The following ATXN3 variants were observed in gnomAD, a reference collection of about 807,000 sequenced individuals.
ATXN3 encodes ataxin-3.
In ATXN3, 28 loss-of-function variants were observed where a neutral mutation model predicts 58.2. The ratio of observed to expected loss-of-function variants is 0.48; its 90% confidence interval spans 0.36 to 0.66. ATXN3 has a LOEUF of 0.66. Ranked by LOEUF, ATXN3 falls within the 30% of genes least tolerant of loss-of-function variation. ATXN3 has a pLI of 0.00. For synonymous variants in ATXN3, 113 were observed against 138.5 expected, an observed-to-expected ratio of 0.82 and a Z score of 1.29; for missense variants, 321 against 422.1, an observed-to-expected ratio of 0.76 and a Z score of 2.10.
At position 92,096,076 on chromosome 14, in the gene ATXN3, T is replaced by C. The variant is rs201025371; in HGVS notation, c.234+17A>G. ...TGGGATGTAAGCAACACATAGTACATGCTTGTGACTACTTACCTGAATAGA... is the reference window on the plus strand; with the variant it reads ...TGGGATGTAAGCAACACATAGTACACGCTTGTGACTACTTACCTGAATAGA... On this transcript the variant is annotated intron_variant, in intron 3 of 10. Coordinates refer to ENST00000644486, the MANE Select transcript of ATXN3 (RefSeq NM_004993.6). The C allele has an allele frequency of 1.7e-5, 27 of 1,560,798 alleles. No homozygotes were observed. The African/African-American group carries it at 3.4e-4, about 20-fold the overall frequency.
chr14:92,065,287 T>A (rs2058189981), intron 10 of ATXN3, among the ~76,000 whole-genome samples: 1 of 152,144 alleles, frequency 6.6e-6, no homozygotes, highest in African/African-American at 2.4e-5. Context: ...GTGCCAACAG[T>A]GGGTTTCTTT....
intron 10 of ATXN3, 58 bp from the exon 11 acceptor site, chr14:92,064,472 A>G: frequency 7.9e-7 from 1 of 1,265,928 alleles, no homozygotes; most frequent in East Asian, 2.3e-5. Flanking sequence ...CAAAGTCATC[A>G]AAAGGCAAGT....
intron 2 of ATXN3, chr14:92,096,436 A>G (rs375778279): frequency 6.2e-6 from 5 of 806,888 alleles, no homozygotes; most frequent in African/African-American, 3.5e-5. Flanking sequence ...CAACCTGACC[A>G]ACATGGTGAA....
upstream of ATXN3, among the ~76,000 whole-genome samples, chr14:92,051,380 T>C (rs574211475): frequency 6.6e-6 from 1 of 152,314 alleles, no homozygotes; most frequent in African/African-American, 2.4e-5. Flanking sequence ...GCTTCTGTTT[T>C]CAACAAAACA....
chr14:92,092,457 A>G (rs961073378), intron 5 of ATXN3, among the ~76,000 whole-genome samples: 3 of 152,230 alleles, frequency 2.0e-5, no homozygotes, highest in African/African-American at 7.2e-5. Flanking sequence ...CTGTAGACGT[A>G]CGTATTACAT....
chr14:92,094,873 G>T (rs1160450317), intron 3 of ATXN3, among the ~76,000 whole-genome samples: 1 of 152,182 alleles, frequency 6.6e-6, no homozygotes, highest in Non-Finnish European at 1.5e-5. Context: ...CAGTGGCACG[G>T]TAAAGCACTA....
At chr14:92,099,280 A>C (rs1393317370) in intron 1 of ATXN3, among the ~76,000 whole-genome samples, 1 of 152,196 alleles carries the variant, frequency 6.6e-6, no homozygotes, top group Non-Finnish European at 1.5e-5. Flanking sequence ...CTGATGAATC[A>C]ATTTTCTAGG....
Position 92,064,322 on chromosome 14 carries a change from A to G in ATXN3, c.1084T>C (p.Ter362GlnextTer3), listed in dbSNP as rs942127509. ...ATCTAAATTATTTTTTAAAGGTATT[A>G]TTTTTTTCCTTCTGTTTTCAAATCA... ...RNDLKTEGKK[*>Q] Residue 362 changes from the stop codon to glutamine (Q), a stop_lost, in exon 11 of 11, where the codon TAA (stop) becomes CAA (glutamine). Coordinates refer to ENST00000644486, the MANE Select transcript of ATXN3 (RefSeq NM_004993.6). 19 of 1,593,662 alleles carry G rather than the reference A, an allele frequency of 1.2e-5. No individual in the cohort carries two copies. The highest frequency in any genetic ancestry group is 1.5e-5 in the Non-Finnish European group (18 of 1,162,384).
At chr14:92,088,604 C>A (rs1014818463) in intron 6 of ATXN3, 126 bp downstream of exon 6, 2 of 727,252 alleles carry the variant, frequency 2.8e-6, no homozygotes, top group Non-Finnish European at 4.8e-6. Flanking sequence ...CCTATCACCA[C>A]GTCAAAACTA....
chr14:92,077,799 C>T (rs2060686716), intron 9 of ATXN3, among the ~76,000 whole-genome samples: 1 of 151,884 alleles, frequency 6.6e-6, no homozygotes, highest in South Asian at 2.1e-4. Context: ...TGTGCACCAC[C>T]ATGCCCAACT....
chr14:92,053,602 TC>T (rs1180287746), downstream of ATXN3, among the ~76,000 whole-genome samples: 1 of 151,558 alleles, frequency 6.6e-6, no homozygotes, highest in Non-Finnish European at 1.5e-5. Context: ...GCTCAAGGTA[TC>T]CTCTCACCTC....
intron 3 of ATXN3, among the ~76,000 whole-genome samples, chr14:92,095,041 A>G (rs1362455026): frequency 1.3e-5 from 2 of 152,096 alleles, no homozygotes; most frequent in Non-Finnish European, 2.9e-5. Context: ...CACAGATAAA[A>G]GAATCTTGCG....
intron 9 of ATXN3, among the ~76,000 whole-genome samples, chr14:92,077,242 C>T (rs555745598): frequency 6.6e-6 from 1 of 152,242 alleles, no homozygotes; most frequent in Admixed American, 6.5e-5. Flanking sequence ...AGACTATTTA[C>T]TGTCATAGGA....
rs34366039 is a variant in ATXN3, at chr14:92,082,649, C to CT, written c.609-184dup. Reference sequence around the variant, plus strand: ...CCAACTAAGTTTTTTTTTTCCGTTTCTTTTTTTTTTTTTTTTTGAGACAGG... The same window carrying CT: ...CCAACTAAGTTTTTTTTTTCCGTTTCTTTTTTTTTTTTTTTTTTGAGACAGG... On this transcript the variant is annotated intron_variant, in intron 7 of 10. Transcript: ENST00000644486. 6.9e-3 allele frequency among the ~76,000 whole-genome samples: 919 copies of CT among 132,854 alleles called. 20 individuals are homozygous for CT. The East Asian group carries it at 0.073, about 11-fold the overall frequency. The allele number at this position is 132,854 out of a possible 152,430, so 87.2% of individuals were successfully genotyped here.
chr14:92,106,197 G>A (rs936806249), intron 1 of ATXN3, among the ~76,000 whole-genome samples: 1 of 152,156 alleles, frequency 6.6e-6, no homozygotes, highest in African/African-American at 2.4e-5. Context: ...TTGGGGAGGG[G>A]TGAAGGAATC....
At chr14:92,082,716 A>T (rs2061689560) in intron 7 of ATXN3, among the ~76,000 whole-genome samples, 1 of 136,292 alleles carries the variant, frequency 7.3e-6, no homozygotes, top group African/African-American at 2.8e-5. Context: ...TAGTGTGATT[A>T]TGGCTCACTG....
chr14:92,085,801 A>T (rs997726502), intron 6 of ATXN3, among the ~76,000 whole-genome samples: 1 of 152,230 alleles, frequency 6.6e-6, no homozygotes, highest in Admixed American at 6.5e-5. Flanking sequence ...GACTAAAGAT[A>T]AAAGTTTGGT....
chr14:92,052,190 A>G (rs184565643), upstream of ATXN3, among the ~76,000 whole-genome samples: 135 of 152,114 alleles, frequency 8.9e-4, no homozygotes, highest in African/African-American at 3.1e-3. Context: ...CCTCCAAAAA[A>G]CAAAAAAAAT....
chr14:92,082,598 TATA>T, intron 7 of ATXN3, 132 bp from the exon 8 acceptor site: 5 of 856,412 alleles, frequency 5.8e-6, no homozygotes, highest in South Asian at 2.4e-5. Context: ...GCTCTAGTAA[TATA>T]ATGATTGTGT....
Sources: gnomAD v4.1 joint callset for allele counts (sites outside exome capture counted in the v4.1 genomes callset) on GRCh38, gnomAD v4.1.1 for gene constraint, MANE v1.5 for transcripts, NCBI Gene and HGNC (gene_info 2026-07-23, HGNC 2026-07-21) for gene names.